The following ELAPOR2 variants were observed in gnomAD, a reference collection of about 807,000 sequenced individuals.
ELAPOR2 encodes the protein endosome-lysosome associated apoptosis and autophagy regulator family member 2, also known as endosome/lysosome-associated apoptosis and autophagy regulator family member 2.
In ELAPOR2, 89 loss-of-function variants were observed where a neutral mutation model predicts 120.7. That is an observed-to-expected ratio of 0.74 (90% CI 0.62 to 0.88). The LOEUF is 0.88. ELAPOR2 is among the 40% of genes least tolerant of loss of function. The probability of loss-of-function intolerance (pLI) is 0.00; values close to 1 mark genes in which losing one functional copy is unlikely to be tolerated. For synonymous variants in ELAPOR2, 444 were observed against 444.9 expected (o/e 1.00, Z 0.03); for missense variants, 1,134 against 1,251.6 (o/e 0.91, Z 1.42).
chr7:87,011,361 C>A (rs1344404072), intron 1 of ELAPOR2, among the ~76,000 whole-genome samples: 1 of 152,002 alleles, frequency 6.6e-6, no homozygotes, highest in East Asian at 1.9e-4. Flanking sequence ...AGGAGAGAAC[C>A]TTTCCTAGAC....
intron 1 of ELAPOR2, among the ~76,000 whole-genome samples, chr7:87,042,673 T>C (rs1289614020): frequency 5.9e-5 from 9 of 151,994 alleles, no homozygotes; most frequent in Non-Finnish European, 1.3e-4. Flanking sequence ...GATCCAAAAT[T>C]GGCACCCTAA....
At chr7:87,023,382 C>G (rs1169478110) in intron 1 of ELAPOR2, among the ~76,000 whole-genome samples, 1 of 151,986 alleles carries the variant, frequency 6.6e-6, no homozygotes, top group Non-Finnish European at 1.5e-5. Context: ...TGCAGATATG[C>G]GGCATTATTT....
intron 1 of ELAPOR2, among the ~76,000 whole-genome samples, chr7:86,995,909 A>C (rs967326589): frequency 6.6e-6 from 1 of 152,232 alleles, no homozygotes; most frequent in African/African-American, 2.4e-5. Context: ...TATCAAATTT[A>C]ATTTCACAAT....
At chr7:87,046,532 A>G (rs1276908405) in intron 1 of ELAPOR2, among the ~76,000 whole-genome samples, 2 of 152,176 alleles carry the variant, frequency 1.3e-5, no homozygotes, top group East Asian at 3.9e-4. Context: ...CTCGAATCTC[A>G]TTTCAAATTA....
chr7:86,912,588 T>A (rs1789366522), intron 14 of ELAPOR2, among the ~76,000 whole-genome samples: 1 of 152,208 alleles, frequency 6.6e-6, no homozygotes, highest in African/African-American at 2.4e-5. Context: ...TCTTTGCCAT[T>A]CAAAATTATA....
At chr7:86,932,205 G>A (rs1010736661) in intron 8 of ELAPOR2, among the ~76,000 whole-genome samples, 1 of 151,864 alleles carries the variant, frequency 6.6e-6, no homozygotes, top group Non-Finnish European at 1.5e-5. Flanking sequence ...TTGCAACACC[G>A]GAAAGGGCTT....
In ELAPOR2 at chr7:86,878,765, A is replaced by G. The variant is rs1799265647; in HGVS notation, c.*1706T>C. On this transcript the variant is annotated 3_prime_UTR_variant, in exon 22 of 22. Transcript: ENST00000450689. ...AGAATGCCAACATAATGTCTTCTTT[A>G]TAAGAACATTCAAGAAATTAAATGC... 6.6e-6 allele frequency: 1 copy of G among 152,212 alleles called. No homozygotes were observed. The highest frequency in any genetic ancestry group is 2.4e-5 in the African/African-American group (1 of 41,468). The allele number at this position is 152,212 out of a possible 1,614,324, so 9.4% of individuals were successfully genotyped here.
intron 1 of ELAPOR2, among the ~76,000 whole-genome samples, chr7:86,972,187 T>C (rs1313979570): frequency 6.6e-6 from 1 of 152,128 alleles, no homozygotes; most frequent in Non-Finnish European, 1.5e-5. Flanking sequence ...ATTTGAGGCT[T>C]GGAACCAACC....
chr7:86,965,837 G>T, intron 1 of ELAPOR2: 1 of 985,410 alleles, frequency 1.0e-6, no homozygotes. Context: ...AATCCTGGTT[G>T]TGGTTATTCT....
At chr7:86,984,170 C>G (rs1251139205) in intron 1 of ELAPOR2, among the ~76,000 whole-genome samples, 1 of 152,068 alleles carries the variant, frequency 6.6e-6, no homozygotes, top group Non-Finnish European at 1.5e-5. Context: ...TACAGGAGCA[C>G]CTAGATTCAT....
chr7:86,957,928 T>A (rs1021653593), intron 2 of ELAPOR2, among the ~76,000 whole-genome samples: 5 of 152,186 alleles, frequency 3.3e-5, no homozygotes, highest in Non-Finnish European at 7.3e-5. Flanking sequence ...AAAGAGAACA[T>A]TAATCAATTA....
chr7:86,898,358 G>C (rs1788544189), intron 18 of ELAPOR2, among the ~76,000 whole-genome samples: 1 of 152,110 alleles, frequency 6.6e-6, no homozygotes, highest in Non-Finnish European at 1.5e-5. Flanking sequence ...CTAGGGCATA[G>C]GGGACTGAGA....
chr7:87,011,258 AAAAAAAAAAAG>A (rs1793652798), intron 1 of ELAPOR2, among the ~76,000 whole-genome samples: 1 of 146,750 alleles, frequency 6.8e-6, no homozygotes, highest in Non-Finnish European at 1.5e-5. Flanking sequence ...TCAAAAAAAA[AAAAAAAAAAAG>A]AAAAGAAAAA....
At chr7:87,033,737 C>T (rs111945156) in intron 1 of ELAPOR2, among the ~76,000 whole-genome samples, 3,688 of 151,852 alleles carry the variant, frequency 0.024, 171 homozygotes, top group African/African-American at 0.085. Flanking sequence ...AATTAAGTGC[C>T]ACCATATAAA....
rs1788506350 is a variant in ELAPOR2, at chr7:86,897,637, A to G, written c.2559-5T>C. On this transcript the variant is annotated splice_region_variant and splice_polypyrimidine_tract_variant and intron_variant, in intron 18 of 21. Transcript: ENST00000450689. ...CAGGTACCTGCTGGGCACTTGCTAA[A>G]ATCATAAACAAAACCAAAAACACAT... The G allele has an allele frequency of 1.2e-6, 2 of 1,612,808 alleles. No individual in the cohort carries two copies. Among genetic ancestry groups the G allele is most frequent in the Non-Finnish European group, 1.7e-6 (2 of 1,179,276 alleles).
At chr7:86,904,112 A>G (rs979569396) in intron 18 of ELAPOR2, among the ~76,000 whole-genome samples, 5 of 152,190 alleles carry the variant, frequency 3.3e-5, no homozygotes, top group African/African-American at 1.2e-4. Context: ...CTGGCGCATC[A>G]GTGTTTCCTG....
intron 8 of ELAPOR2, among the ~76,000 whole-genome samples, chr7:86,934,473 C>A (rs1204348446): frequency 1.3e-5 from 2 of 151,974 alleles, no homozygotes; most frequent in Non-Finnish European, 2.9e-5. Flanking sequence ...CCAATGGATA[C>A]TTTTCAGCCC....
intron 12 of ELAPOR2, among the ~76,000 whole-genome samples, chr7:86,917,206 G>A (rs757510780): frequency 5.3e-5 from 8 of 151,902 alleles, no homozygotes; most frequent in Non-Finnish European, 7.4e-5. Context: ...GATGACCTGA[G>A]GTCAGGAGTT....
chr7:86,965,864 T>C (rs1791884113), intron 1 of ELAPOR2: 1 of 985,216 alleles, frequency 1.0e-6, no homozygotes, highest in Non-Finnish European at 1.2e-6. Flanking sequence ...TCCACACTGT[T>C]TTGCCTCCCT....
Sources: gnomAD v4.1 joint callset for allele counts (sites outside exome capture counted in the v4.1 genomes callset) on GRCh38, gnomAD v4.1.1 for gene constraint, MANE v1.5 for transcripts, NCBI Gene and HGNC (gene_info 2026-07-23, HGNC 2026-07-21) for gene names.